Variants in MAP4K3 observed in about 807,000 individuals in gnomAD.
MAP4K3 encodes the protein MAPK/ERK kinase kinase kinase 3.
A neutral mutation model predicts 143.5 loss-of-function variants in MAP4K3; 94 were observed. The ratio of observed to expected loss-of-function variants is 0.65; its 90% CI spans 0.55 to 0.78. The LOEUF is 0.78. Ranked by LOEUF, MAP4K3 falls within the 30% of genes least tolerant of loss-of-function variation. The probability of loss-of-function intolerance (pLI) is 0.00; values close to 1 mark genes in which losing one functional copy is unlikely to be tolerated. For missense variants in MAP4K3, 1,077 were observed against 1,068.1 expected, an observed-to-expected ratio of 1.01 and a Z score of -0.12; for synonymous variants, 416 against 347.2, an observed-to-expected ratio of 1.20 and a Z score of -2.20.
chr2:39,250,333 T>C lies in MAP4K3; in HGVS notation c.*285A>G, dbSNP rs1680102226. 3.3e-6 allele frequency: 1 copy of C among 300,372 alleles called. No homozygotes were observed. The highest frequency in any genetic ancestry group is 6.0e-5 in the East Asian group (1 of 16,546). 18.6% of individuals were successfully genotyped at this position (300,372 alleles called of 1,614,324 possible). ...ATCTCATAAAAGTACATTATCTACA[T>C]AAATTCTTAGTGTATGTCTTCAGCA... On this transcript the variant is annotated 3_prime_UTR_variant, in exon 34 of 34. Coordinates refer to ENST00000263881, the MANE Select transcript of MAP4K3 (RefSeq NM_003618.4).
chr2:39,386,313 G>C (rs1666503899), intron 1 of MAP4K3, among the ~76,000 whole-genome samples: 1 of 152,196 alleles, frequency 6.6e-6, no homozygotes, highest in Non-Finnish European at 1.5e-5. Context: ...AGAACTATGA[G>C]AAAATAAATT....
At chr2:39,428,211 T>C (rs1665158338) in intron 1 of MAP4K3, among the ~76,000 whole-genome samples, 2 of 152,224 alleles carry the variant, frequency 1.3e-5, no homozygotes, top group Non-Finnish European at 2.9e-5. Context: ...GGGTAAGAAT[T>C]TTCTTTAGGA....
At chr2:39,349,436 T>C (rs763589354) in intron 3 of MAP4K3, among the ~76,000 whole-genome samples, 29 of 152,284 alleles carry the variant, frequency 1.9e-4, no homozygotes, top group Middle Eastern at 3.4e-3. Flanking sequence ...CCCCCAGTGT[T>C]CAGCATAATA....
intron 1 of MAP4K3, among the ~76,000 whole-genome samples, chr2:39,390,143 T>C (rs558193248): frequency 1.3e-5 from 2 of 152,262 alleles, no homozygotes; most frequent in Non-Finnish European, 2.9e-5. Flanking sequence ...AAGGAGGTGT[T>C]TGGAAATGTG....
chr2:39,289,363 AT>A (rs1681935340), intron 19 of MAP4K3, among the ~76,000 whole-genome samples: 1 of 152,190 alleles, frequency 6.6e-6, no homozygotes, highest in Non-Finnish European at 1.5e-5. Context: ...GACAAGACTG[AT>A]AAGACTCCAA....
chr2:39,384,736 T>C (rs914533471), intron 1 of MAP4K3, among the ~76,000 whole-genome samples: 7 of 152,224 alleles, frequency 4.6e-5, no homozygotes, highest in African/African-American at 1.7e-4. Flanking sequence ...GTGTACAAAA[T>C]GAAATATTTA....
chr2:39,349,131 C>G (rs960656305), intron 3 of MAP4K3, among the ~76,000 whole-genome samples: 17 of 152,090 alleles, frequency 1.1e-4, no homozygotes, highest in African/African-American at 3.9e-4. Flanking sequence ...TCTTGCTGAC[C>G]AAAGCAATGG....
At chr2:39,344,162 A>G (rs914580895) in intron 3 of MAP4K3, among the ~76,000 whole-genome samples, 1 of 152,160 alleles carries the variant, frequency 6.6e-6, no homozygotes, top group African/African-American at 2.4e-5. Flanking sequence ...CTCTCTCACC[A>G]CTGCCTTCTT....
At chr2:39,371,872 C>T (rs908626755) in intron 2 of MAP4K3, among the ~76,000 whole-genome samples, 1 of 150,896 alleles carries the variant, frequency 6.6e-6, no homozygotes, top group Non-Finnish European at 1.5e-5. Flanking sequence ...TATACATCCT[C>T]TTGCTGAATT....
chr2:39,260,126 T>C (rs531636911), intron 29 of MAP4K3, among the ~76,000 whole-genome samples: 1 of 152,298 alleles, frequency 6.6e-6, no homozygotes, highest in African/African-American at 2.4e-5. Flanking sequence ...TTTAGTTGGT[T>C]AGTTAGAGAC....
intron 24 of MAP4K3, among the ~76,000 whole-genome samples, chr2:39,274,391 T>C (rs1429383095): frequency 6.6e-6 from 1 of 151,986 alleles, no homozygotes; most frequent in Non-Finnish European, 1.5e-5. Context: ...TAATTTTTTT[T>C]TTGTATTTTT....
At chr2:39,404,926 C>G (rs1365726250) in intron 1 of MAP4K3, among the ~76,000 whole-genome samples, 2 of 152,150 alleles carry the variant, frequency 1.3e-5, no homozygotes, top group East Asian at 3.9e-4. Flanking sequence ...CAGCCGATTT[C>G]TGAGGTTTCT....
chr2:39,406,779 A>T (rs1175806374), intron 1 of MAP4K3, among the ~76,000 whole-genome samples: 1 of 152,224 alleles, frequency 6.6e-6, no homozygotes, highest in Non-Finnish European at 1.5e-5. Flanking sequence ...ACAAGAAATC[A>T]TCTGAAGGTA....
intron 2 of MAP4K3, among the ~76,000 whole-genome samples, chr2:39,377,154 T>C (rs1460014860): frequency 2.0e-5 from 3 of 147,214 alleles, no homozygotes; most frequent in South Asian, 2.2e-4. Context: ...GAACTGAATA[T>C]AGAGACCATA....
chr2:39,410,241 A>T (rs750558045), intron 1 of MAP4K3, among the ~76,000 whole-genome samples: 1 of 152,194 alleles, frequency 6.6e-6, no homozygotes, highest in Non-Finnish European at 1.5e-5. Flanking sequence ...TCATCTACAC[A>T]TAAGAGGCAG....
chr2:39,332,066 T>A, intron 7 of MAP4K3, 77 bp from the exon 8 acceptor site: 1 of 740,064 alleles, frequency 1.4e-6, no homozygotes, highest in Non-Finnish European at 2.2e-6. Context: ...AAGAAACTTT[T>A]AAAAGTTATT....
intron 12 of MAP4K3, 102 bp downstream of exon 12, chr2:39,325,416 C>A: frequency 1.6e-6 from 1 of 636,100 alleles, no homozygotes; most frequent in Non-Finnish European, 2.6e-6. Context: ...TTAAACTAGG[C>A]CCCAAAATTA....
rs188908355 is a variant in MAP4K3 at position 39,319,303 on chromosome 2, T to C, written c.919-3915A>G. Among the ~76,000 whole-genome samples the C allele has an allele frequency of 3.4e-3, 514 of 152,292 alleles. 2 individuals are homozygous for C. The highest frequency in any genetic ancestry group is 5.5e-3 in the Non-Finnish European group (377 of 68,024). Reference sequence around the variant, plus strand: ...TTCTCCCTAAAAATTGCTAGGAATTTTAGGAAATACGGAAACTAAAACCTT... The same window carrying C: ...TTCTCCCTAAAAATTGCTAGGAATTCTAGGAAATACGGAAACTAAAACCTT... On this transcript the variant is annotated intron_variant, in intron 12 of 33. Transcript: ENST00000263881.
At chr2:39,290,440 T>C (rs1681993357) in intron 18 of MAP4K3, 106 bp from the exon 19 acceptor site, 2 of 682,614 alleles carry the variant, frequency 2.9e-6, no homozygotes, top group Admixed American at 3.2e-5. Context: ...CAAAGACAAA[T>C]ATCATTTTCT....
Sources: gnomAD v4.1 joint callset for allele counts (sites outside exome capture counted in the v4.1 genomes callset) on GRCh38, gnomAD v4.1.1 for gene constraint, MANE v1.5 for transcripts, NCBI Gene and HGNC (gene_info 2026-07-23, HGNC 2026-07-21) for gene names.